Variants in ERAL1 observed in about 807,000 individuals in gnomAD.
ERAL1 encodes the protein Era like 12S mitochondrial rRNA chaperone 1.
ERAL1 carries 36 observed loss-of-function variants against 53.6 expected under a neutral mutation model. That is an observed-to-expected ratio of 0.67 (90% CI 0.51 to 0.89). The LOEUF is 0.89. Ranked by LOEUF, ERAL1 falls within the 40% of genes least tolerant of loss-of-function variation. The probability of loss-of-function intolerance (pLI) is 0.00; values close to 1 mark genes in which losing one functional copy is unlikely to be tolerated. For synonymous variants in ERAL1, 215 were observed against 211.8 expected (o/e 1.02, Z -0.13); for missense variants, 512 against 537.5 (o/e 0.95, Z 0.47).
intron 3 of ERAL1, among the ~76,000 whole-genome samples, chr17:28,857,057 C>T (rs750202047): frequency 1.3e-5 from 2 of 151,540 alleles, no homozygotes; most frequent in South Asian, 4.2e-4. Flanking sequence ...AGTTCTGTCT[C>T]TACCTTGCCC....
intron 1 of ERAL1, among the ~76,000 whole-genome samples, 180 bp from the exon 2 acceptor site, chr17:28,856,084 A>C (rs952448560): frequency 5.3e-5 from 8 of 152,206 alleles, no homozygotes; most frequent in Admixed American, 2.0e-4. Context: ...TAAAGGGCTC[A>C]GGGAGTTACT....
At chr17:28,859,797 C>T (rs919419504) in intron 9 of ERAL1, among the ~76,000 whole-genome samples, 1 of 152,032 alleles carries the variant, frequency 6.6e-6, no homozygotes, top group African/African-American at 2.4e-5. Flanking sequence ...ACCTCAGCCT[C>T]CCAAAGTGCC....
intron 4 of ERAL1, 64 bp downstream of exon 4, chr17:28,858,049 T>C (rs1312690559): frequency 6.2e-7 from 1 of 1,612,678 alleles, no homozygotes; most frequent in Non-Finnish European, 8.5e-7. Context: ...GGAGATTCCA[T>C]TATAGGGGCT....
At chr17:28,858,347 CCTT>C (rs2039266275) in intron 5 of ERAL1, 24 bp from the exon 6 acceptor site, 2 of 1,612,668 alleles carry the variant, frequency 1.2e-6, no homozygotes, top group Non-Finnish European at 1.7e-6. Flanking sequence ...ATTTCCTTTT[CCTT>C]CTTCCTGCCT....
rs756194322 is a variant in ERAL1 at position 28,857,985 on chromosome 17, G to C, written c.536G>C (p.Arg179Thr). The C allele has an allele frequency of 2.5e-6, 4 of 1,614,144 alleles. No individual in the cohort carries two copies. The South Asian group carries it at 4.4e-5, about 18-fold the overall frequency. The change falls in exon 4 of 10, where the codon AGG (arginine) becomes ACG (threonine). Residue 179 changes from arginine to threonine, a missense_variant and splice_region_variant. Coordinates refer to ENST00000254928, the MANE Select transcript of ERAL1 (RefSeq NM_005702.4). ...ATTATCAGTCCTGGTAAACAGAAGA[G>C]GTAATGGTGGTGGAATTGGGGTGGA... ...PGIISPGKQK[R>T]HHLELSLLED...
In ERAL1 at chr17:28,860,569, C is replaced by T. The variant is rs780958905; in HGVS notation, c.*16C>T. The stretch of plus-strand genomic sequence containing the variant: ...CCTCAAGTGACCACCCTCTACTGAC[C>T]CTCCCAGGGCATTCCAGCTCAAGCT... On this transcript the variant is annotated 3_prime_UTR_variant, in exon 10 of 10. Coordinates refer to ENST00000254928, the MANE Select transcript of ERAL1 (RefSeq NM_005702.4). 5 of 1,576,934 alleles carry T rather than the reference C, an allele frequency of 3.2e-6. No individual in the cohort carries two copies. The highest frequency in any genetic ancestry group is 1.4e-5 in the African/African-American group (1 of 72,728).
chr17:28,858,845 G>C (rs990472696), intron 7 of ERAL1, 21 bp downstream of exon 7: 1 of 1,613,808 alleles, frequency 6.2e-7, no homozygotes, highest in Admixed American at 1.7e-5. Flanking sequence ...CTTGGCCATA[G>C]CCTGGCCCTT....
chr17:28,855,631 A>G (rs1176958774), intron 1 of ERAL1, among the ~76,000 whole-genome samples: 2 of 152,182 alleles, frequency 1.3e-5, no homozygotes, highest in African/African-American at 4.8e-5. Context: ...GTTAAGACAC[A>G]GTTACACCTG....
At chr17:28,855,445 AAATCTCTCAGGAGAG>A in intron 1 of ERAL1, 128 bp downstream of exon 1, 1 of 1,101,716 alleles carries the variant, frequency 9.1e-7, no homozygotes, top group Non-Finnish European at 1.2e-6. Context: ...GAGCAGTGAA[AAATCTCTCAGGAGAG>A]AAATAACAGT....
Position 28,859,087 on chromosome 17 carries a change from C to T in ERAL1, c.1084C>T (p.Gln362Ter). Residue 362 changes from glutamine (Q) to a stop codon, truncating the protein, a stop_gained, in exon 8 of 10, where the codon CAG (glutamine) becomes TAG (stop). Transcript: ENST00000254928. LOFTEE classifies it high-confidence loss of function. The part of the protein sequence containing the change: ...IREKLLEHLP[Q>*]EVPYNVQQKT... ...AGAGAAGCTCCTAGAACACCTGCCC[C>T]AGGAGGTGCCTTACAATGTACAGCA... The T allele has an allele frequency of 1.2e-6, 2 of 1,614,146 alleles. No individual in the cohort carries two copies. Among genetic ancestry groups the T allele is most frequent in the Non-Finnish European group, 1.7e-6 (2 of 1,180,028 alleles).
rs540949990 is a variant in ERAL1, at chr17:28,858,834, T to C, written c.960+10T>C. The stretch of plus-strand genomic sequence containing the variant: ...CGTGAAAACACTAAAGGTCAGTTAG[T>C]CTTGGCCATAGCCTGGCCCTTGGTT... On this transcript the variant is annotated intron_variant, in intron 7 of 9. Coordinates refer to ENST00000254928, the MANE Select transcript of ERAL1 (RefSeq NM_005702.4). 3.7e-6 allele frequency: 6 copies of C among 1,614,116 alleles called. No homozygotes were observed. Among genetic ancestry groups the C allele is most frequent in the Non-Finnish European group, 4.2e-6 (5 of 1,179,984 alleles).
In ERAL1 at chr17:28,858,227, C is replaced by T. The variant is rs2039265148; in HGVS notation, c.598+20C>T. On this transcript the variant is annotated intron_variant, in intron 5 of 9. Coordinates refer to ENST00000254928, the MANE Select transcript of ERAL1 (RefSeq NM_005702.4). Reference sequence around the variant, plus strand: ...ATCTTGGTTAGGTTCAGGATGGGAACCTTAAGCCCAGTTTACAGGGGTCAT... The same window carrying T: ...ATCTTGGTTAGGTTCAGGATGGGAATCTTAAGCCCAGTTTACAGGGGTCAT... 1 of 1,613,516 alleles carries T rather than the reference C, an allele frequency of 6.2e-7. No individual in the cohort carries two copies. The highest frequency in any genetic ancestry group is 8.5e-7 in the Non-Finnish European group (1 of 1,179,882).
chr17:28,857,907 G>T (rs1567919172), intron 3 of ERAL1, 32 bp from the exon 4 acceptor site: 1 of 1,613,356 alleles, frequency 6.2e-7, no homozygotes, highest in Admixed American at 1.7e-5. Flanking sequence ...CTTTTCTCCT[G>T]GGGTCTGGGT....
chr17:28,858,644 T>G lies in ERAL1; in HGVS notation c.780T>G (p.Asn260Lys), dbSNP rs1475218208. 1 of 1,614,206 alleles carries G rather than the reference T, an allele frequency of 6.2e-7. No individual in the cohort carries two copies. Among genetic ancestry groups the G allele is most frequent in the Non-Finnish European group, 8.5e-7 (1 of 1,180,042 alleles). Residue 260 changes from asparagine (N) to lysine (K), a missense_variant, in exon 7 of 10, where the codon AAT becomes AAG. Coordinates refer to ENST00000254928, the MANE Select transcript of ERAL1 (RefSeq NM_005702.4). Reference protein sequence around the residue: ...LTAALTEGVVNGKKLKMRQAF... With the variant: ...LTAALTEGVVKGKKLKMRQAF... ...CAGCCCTCACTGAAGGTGTGGTCAA[T>G]GGCAAAAAGCTCAAGATGAGGCAGG... is the stretch of plus-strand genomic sequence containing the variant.
At position 28,860,762 on chromosome 17, in the gene ERAL1, AG is replaced by A; in HGVS notation, c.*211del. The A allele has an allele frequency of 2.1e-6, 1 of 483,294 alleles. No individual in the cohort carries two copies. Among genetic ancestry groups the A allele is most frequent in the Non-Finnish European group, 3.4e-6 (1 of 292,716 alleles). 29.9% of individuals were successfully genotyped at this position (483,294 alleles called of 1,614,324 possible). A position where few individuals can be genotyped will look rare whatever the true frequency, so the allele number is the denominator to read the frequency against. On this transcript the variant is annotated 3_prime_UTR_variant, in exon 10 of 10. Transcript: ENST00000254928. The stretch of plus-strand genomic sequence containing the variant: ...AGGAACCTGCCTTAGCTCAGTTTCC[AG>A]GTGGTTCCTCTGCCTGGCACCACAG...
chr17:28,858,337 A>G (rs1225087958), intron 5 of ERAL1, 37 bp from the exon 6 acceptor site: 1 of 1,610,972 alleles, frequency 6.2e-7, no homozygotes, highest in South Asian at 1.1e-5. Flanking sequence ...AAGAGTGACC[A>G]TTTCCTTTTC....
Position 28,858,221 on chromosome 17 carries a change from T to C in ERAL1, c.598+14T>C, listed in dbSNP as rs1472040283. 11 of 1,613,710 alleles carry C rather than the reference T, an allele frequency of 6.8e-6. No homozygotes were observed. The highest frequency in any genetic ancestry group is 9.3e-6 in the Non-Finnish European group (11 of 1,179,922). On this transcript the variant is annotated intron_variant, in intron 5 of 9. Transcript: ENST00000254928. ...CTGCTGATCTTGGTTAGGTTCAGGA[T>C]GGGAACCTTAAGCCCAGTTTACAGG... is the stretch of plus-strand genomic sequence containing the variant.
At chr17:28,858,091 T>C in intron 4 of ERAL1, 55 bp from the exon 5 acceptor site, 1 of 1,613,080 alleles carries the variant, frequency 6.2e-7, no homozygotes, top group East Asian at 2.2e-5. Context: ...ACATCCCTCA[T>C]CAGAAATGCC....
intron 9 of ERAL1, 25 bp from the exon 10 acceptor site, chr17:28,860,406 T>C: frequency 6.2e-7 from 1 of 1,609,904 alleles, no homozygotes. Flanking sequence ...CATTCCTGGC[T>C]TCCTTCTCTT....
Sources: gnomAD v4.1 joint callset for allele counts (sites outside exome capture counted in the v4.1 genomes callset) on GRCh38, gnomAD v4.1.1 for gene constraint, MANE v1.5 for transcripts, NCBI Gene and HGNC (gene_info 2026-07-23, HGNC 2026-07-21) for gene names.